The following PTPRD variants were observed in gnomAD, a reference collection of about 807,000 sequenced individuals.
PTPRD encodes the protein receptor-type tyrosine-protein phosphatase delta.
Under a neutral mutation model 214.5 loss-of-function variants are expected in PTPRD, and 34 were observed. That is an observed-to-expected ratio of 0.16 (90% CI 0.12 to 0.21). PTPRD has a LOEUF of 0.21. PTPRD is among the 10% of genes least tolerant of loss of function. PTPRD has a pLI of 1.00. For synonymous variants in PTPRD, 1,128 were observed against 845.7 expected, an observed-to-expected ratio of 1.33 and a Z score of -5.79; for missense variants, 2,545 against 2,398.7, an observed-to-expected ratio of 1.06 and a Z score of -1.27.
intron 5 of PTPRD, among the ~76,000 whole-genome samples, chr9:9,829,838 G>T (rs2054223946): frequency 6.6e-6 from 1 of 151,712 alleles, no homozygotes; most frequent in African/African-American, 2.4e-5. Context: ...TGTTTTGAAA[G>T]AATATTCTGT....
intron 8 of PTPRD, among the ~76,000 whole-genome samples, chr9:9,504,595 G>A (rs1031129010): frequency 2.6e-5 from 4 of 151,620 alleles, no homozygotes; most frequent in African/African-American, 4.8e-5. Flanking sequence ...TGAGATACAA[G>A]GCAAAGATGC....
intron 2 of PTPRD, among the ~76,000 whole-genome samples, chr9:10,426,804 C>T (rs1303591805): frequency 2.0e-5 from 3 of 152,058 alleles, no homozygotes; most frequent in Non-Finnish European, 4.4e-5. Context: ...AATACTGTAG[C>T]CAAAACGCAT....
chr9:10,018,358 T>C (rs945656499), intron 4 of PTPRD, among the ~76,000 whole-genome samples: 1 of 152,094 alleles, frequency 6.6e-6, no homozygotes, highest in African/African-American at 2.4e-5. Flanking sequence ...GCAGACTTTC[T>C]CAGTGTATCT....
chr9:10,536,224 T>C (rs2057767492), intron 2 of PTPRD, among the ~76,000 whole-genome samples: 1 of 152,124 alleles, frequency 6.6e-6, no homozygotes, highest in African/African-American at 2.4e-5. Flanking sequence ...AAAGCAATTA[T>C]ATAGGAAAAA....
chr9:8,620,281 A>C (rs548383696), intron 14 of PTPRD, among the ~76,000 whole-genome samples: 1 of 152,108 alleles, frequency 6.6e-6, no homozygotes, highest in East Asian at 1.9e-4. Flanking sequence ...TCTAATATTT[A>C]TCTTACAGAC....
At chr9:9,721,384 G>C (rs1230127937) in intron 7 of PTPRD, among the ~76,000 whole-genome samples, 1 of 152,120 alleles carries the variant, frequency 6.6e-6, no homozygotes, top group Non-Finnish European at 1.5e-5. Context: ...TTTAATGAGA[G>C]AGAGAAAATA....
At chr9:9,805,379 G>C (rs759221600) in intron 5 of PTPRD, among the ~76,000 whole-genome samples, 6 of 152,080 alleles carry the variant, frequency 3.9e-5, no homozygotes, top group Non-Finnish European at 4.4e-5. Flanking sequence ...TAAGTGACCG[G>C]TTAGGAAGCA....
In PTPRD at chr9:8,984,070, T is replaced by C. The variant is rs540343981; in HGVS notation, c.-104+34627A>G. ...TAGTATGTGTGTTTTCTACTTAATA[T>C]AGAACATCATTTAAAAACTACATGT... On this transcript the variant is annotated intron_variant, in intron 11 of 45. Coordinates refer to ENST00000381196, the MANE Select transcript of PTPRD (RefSeq NM_002839.4). Among the ~76,000 whole-genome samples the C allele has an allele frequency of 2.6e-5, 4 of 152,212 alleles. No homozygotes were observed. The East Asian group carries it at 7.7e-4, about 29-fold the overall frequency.
In PTPRD at chr9:9,597,704, G is replaced by C. The variant is rs112791840; in HGVS notation, c.-286-22923C>G. On this transcript the variant is annotated intron_variant, in intron 7 of 45. Transcript: ENST00000381196. ...GGAAAAAAGATATGTAATTGATGGA[G>C]AAAAAGTGGAGAAAATAGTTTCAGC... Among the ~76,000 whole-genome samples, 12 of 152,022 alleles carry C rather than the reference G, an allele frequency of 7.9e-5. 1 individual carries two copies. The highest frequency in any genetic ancestry group is 2.9e-4 in the African/African-American group (12 of 41,514).
At chr9:9,448,208 T>C (rs1193308612) in intron 8 of PTPRD, among the ~76,000 whole-genome samples, 2 of 152,054 alleles carry the variant, frequency 1.3e-5, no homozygotes, top group Non-Finnish European at 2.9e-5. Context: ...ATCACATTTA[T>C]ACACTTAGTC....
At chr9:10,386,184 C>T (rs752523112) in intron 2 of PTPRD, among the ~76,000 whole-genome samples, 3 of 151,702 alleles carry the variant, frequency 2.0e-5, no homozygotes, top group South Asian at 2.1e-4. Context: ...AGGTTTAGAG[C>T]GAGTTTATAT....
intron 9 of PTPRD, among the ~76,000 whole-genome samples, chr9:9,394,212 G>A (rs141373138): frequency 1.3e-5 from 2 of 152,270 alleles, no homozygotes; most frequent in African/African-American, 4.8e-5. Flanking sequence ...AAATGGAATG[G>A]CTATATTTGA....
In PTPRD at chr9:8,334,185, C is replaced by CTAA. The variant is rs1844358479; in HGVS notation, c.5380-2452_5380-2450dup. 2.0e-5 allele frequency among the ~76,000 whole-genome samples: 3 copies of CTAA among 151,952 alleles called. 1 individual carries two copies. Among genetic ancestry groups the CTAA allele is most frequent in the African/African-American group, 7.3e-5 (3 of 41,366 alleles). On this transcript the variant is annotated intron_variant, in intron 43 of 45. Transcript: ENST00000381196. ...GAAGTCAGCTCTGGACTAAGCAGAC[C>CTAA]TAATAGACATCTACAGAACTCTCCA...
chr9:9,022,751 T>C (rs2099574171), intron 10 of PTPRD, among the ~76,000 whole-genome samples: 1 of 152,184 alleles, frequency 6.6e-6, no homozygotes, highest in South Asian at 2.1e-4. Context: ...TTGCAACATG[T>C]GCATGGAATA....
At chr9:8,636,264 T>C (rs2096429955) in intron 13 of PTPRD, among the ~76,000 whole-genome samples, 1 of 152,074 alleles carries the variant, frequency 6.6e-6, no homozygotes, top group Non-Finnish European at 1.5e-5. Flanking sequence ...AGAACAGAGG[T>C]AGATTCTGAT....
At chr9:9,092,371 A>C (rs1008636035) in intron 10 of PTPRD, among the ~76,000 whole-genome samples, 2 of 152,094 alleles carry the variant, frequency 1.3e-5, no homozygotes, top group South Asian at 4.1e-4. Flanking sequence ...CAACTGATTC[A>C]TATTATTATT....
chr9:10,344,906 T>C (rs2097038106), intron 2 of PTPRD, among the ~76,000 whole-genome samples: 2 of 152,200 alleles, frequency 1.3e-5, no homozygotes, highest in Admixed American at 1.3e-4. Flanking sequence ...CATGCCTTGC[T>C]TTCTCTGTTG....
chr9:9,589,312 G>A (rs1024176980), intron 7 of PTPRD, among the ~76,000 whole-genome samples: 2 of 151,394 alleles, frequency 1.3e-5, no homozygotes, highest in Non-Finnish European at 1.5e-5. Context: ...AGATGTTCTT[G>A]GTTGCAGCTA....
intron 2 of PTPRD, among the ~76,000 whole-genome samples, chr9:10,435,110 G>T (rs1187541513): frequency 1.3e-5 from 2 of 151,814 alleles, no homozygotes; most frequent in African/African-American, 2.4e-5. Context: ...TAAAGAAGGG[G>T]CATTACTGCT....
Sources: gnomAD v4.1 joint callset for allele counts (sites outside exome capture counted in the v4.1 genomes callset) on GRCh38, gnomAD v4.1.1 for gene constraint, MANE v1.5 for transcripts, NCBI Gene and HGNC (gene_info 2026-07-23, HGNC 2026-07-21) for gene names.